The following KCNQ3 variants were observed in gnomAD, a reference collection of about 807,000 sequenced individuals.
The protein encoded by KCNQ3 is potassium voltage-gated channel subfamily KQT member 3.
Under a neutral mutation model 92.5 loss-of-function variants are expected in KCNQ3, and 30 were observed. The observed-to-expected ratio is 0.32, with a 90% CI of 0.24 to 0.44. The LOEUF (loss-of-function observed/expected upper bound fraction) is 0.44, where lower values mean the gene tolerates loss of function less well. Among genes scored for constraint, KCNQ3 ranks in the 20% least tolerant of loss-of-function variants. KCNQ3 has a pLI of 1.00. For missense variants in KCNQ3, 913 were observed against 1,140.3 expected, an observed-to-expected ratio of 0.80 and a Z score of 2.87; for synonymous variants, 450 against 468.8, an observed-to-expected ratio of 0.96 and a Z score of 0.52.
intron 1 of KCNQ3, among the ~76,000 whole-genome samples, chr8:132,266,006 G>A (rs1815969453): frequency 6.6e-6 from 1 of 152,236 alleles, no homozygotes; most frequent in African/African-American, 2.4e-5. Flanking sequence ...TCACATAGCA[G>A]CTGTGAACCA....
intron 1 of KCNQ3, among the ~76,000 whole-genome samples, chr8:132,200,585 A>G (rs1480075600): frequency 2.0e-5 from 3 of 152,230 alleles, no homozygotes; most frequent in African/African-American, 4.8e-5. Flanking sequence ...GTCGTGTTAG[A>G]TAATGGAGCA....
chr8:132,130,666 T>C (rs1006074925), intron 14 of KCNQ3, among the ~76,000 whole-genome samples: 1 of 152,190 alleles, frequency 6.6e-6, no homozygotes, highest in Non-Finnish European at 1.5e-5. Flanking sequence ...TTTAGGAACA[T>C]TTCCTTAGAC....
chr8:132,131,294 A>C (rs1465843040), intron 14 of KCNQ3, among the ~76,000 whole-genome samples: 2 of 152,190 alleles, frequency 1.3e-5, no homozygotes, highest in Non-Finnish European at 2.9e-5. Context: ...TCCTTGAAAA[A>C]CTGGCAGTAC....
intron 9 of KCNQ3, among the ~76,000 whole-genome samples, chr8:132,157,936 A>C (rs557353989): frequency 6.6e-6 from 1 of 152,174 alleles, no homozygotes; most frequent in East Asian, 1.9e-4. Flanking sequence ...GTGTCTGATA[A>C]CCTGTGTTTT....
intron 1 of KCNQ3, among the ~76,000 whole-genome samples, chr8:132,426,618 G>A (rs1036831536): frequency 6.6e-6 from 1 of 152,248 alleles, no homozygotes; most frequent in Non-Finnish European, 1.5e-5. Context: ...ACTGTAGGGT[G>A]AAATCCTTCC....
At chr8:132,183,447 G>C (rs1376629445) in intron 3 of KCNQ3, among the ~76,000 whole-genome samples, 3 of 152,130 alleles carry the variant, frequency 2.0e-5, no homozygotes, top group Non-Finnish European at 4.4e-5. Context: ...ACGATGGCAA[G>C]CTGGACTAAA....
At chr8:132,323,685 C>T (rs1316824267) in intron 1 of KCNQ3, among the ~76,000 whole-genome samples, 2 of 152,160 alleles carry the variant, frequency 1.3e-5, no homozygotes, top group African/African-American at 4.8e-5. Flanking sequence ...GTACCAAAAT[C>T]TGTATTTCTA....
At position 132,428,000 on chromosome 8, in the gene KCNQ3, G is replaced by A. The variant is rs529394929; in HGVS notation, c.386+52147C>T. ...TATGCCTTCGCCTGCAGATGCTCCC[G>A]GGCCTGCTGTCTCTCCTTGTCTTCC... On this transcript the variant is annotated intron_variant, in intron 1 of 14. Coordinates refer to ENST00000388996, the MANE Select transcript of KCNQ3 (RefSeq NM_004519.4). Among the ~76,000 whole-genome samples the A allele has an allele frequency of 3.9e-5, 6 of 152,136 alleles. No individual in the cohort carries two copies. The East Asian group carries it at 9.6e-4, about 24-fold the overall frequency.
At chr8:132,388,853 C>A (rs980269788) in intron 1 of KCNQ3, among the ~76,000 whole-genome samples, 2 of 152,132 alleles carry the variant, frequency 1.3e-5, no homozygotes, top group African/African-American at 2.4e-5. Flanking sequence ...TTACATGAAT[C>A]GTGATTTTAA....
intron 1 of KCNQ3, among the ~76,000 whole-genome samples, chr8:132,227,867 T>C (rs1814484361): frequency 6.6e-6 from 1 of 152,184 alleles, no homozygotes; most frequent in Non-Finnish European, 1.5e-5. Flanking sequence ...GAGAATCTAT[T>C]GTGTGCTAGA....
At chr8:132,456,746 G>A (rs1422343476) in intron 1 of KCNQ3, among the ~76,000 whole-genome samples, 2 of 151,800 alleles carry the variant, frequency 1.3e-5, no homozygotes, top group Non-Finnish European at 2.9e-5. Flanking sequence ...TCAGTAGCTG[G>A]GACTACAGGC....
intron 1 of KCNQ3, among the ~76,000 whole-genome samples, chr8:132,281,641 A>G (rs1285674791): frequency 3.3e-5 from 5 of 152,020 alleles, no homozygotes; most frequent in African/African-American, 1.2e-4. Context: ...ATGGACAACT[A>G]TAACAATCTC....
At chr8:132,189,084 C>A (rs958804634) in intron 1 of KCNQ3, among the ~76,000 whole-genome samples, 2 of 152,190 alleles carry the variant, frequency 1.3e-5, no homozygotes, top group African/African-American at 2.4e-5. Flanking sequence ...CCCGCTGCTT[C>A]CCCACATCCA....
At chr8:132,332,036 G>T (rs933407967) in intron 1 of KCNQ3, among the ~76,000 whole-genome samples, 2 of 152,208 alleles carry the variant, frequency 1.3e-5, no homozygotes, top group African/African-American at 4.8e-5. Context: ...TTAGTGACTT[G>T]CTTATAATGC....
At chr8:132,330,017 A>G (rs982574972) in intron 1 of KCNQ3, among the ~76,000 whole-genome samples, 14 of 152,334 alleles carry the variant, frequency 9.2e-5, no homozygotes, top group Admixed American at 7.2e-4. Flanking sequence ...CTTTGCAGAT[A>G]TATTAAAGTT....
Position 132,141,366 on chromosome 8 carries a change from T to C in KCNQ3, c.1263-35A>G, listed in dbSNP as rs549962980. On this transcript the variant is annotated intron_variant, in intron 9 of 14. Transcript: ENST00000388996. ...AAGCAAAAGTGAACAATTTTCCTCC[T>C]TCAGTGCAGGCTCTTAAAATTTCCC... is the stretch of plus-strand genomic sequence containing the variant. 1.1e-5 allele frequency: 18 copies of C among 1,585,910 alleles called. No homozygotes were observed. In the South Asian group the frequency reaches 2.0e-4, roughly 18 times the overall value.
chr8:132,272,075 T>C (rs186002861), intron 1 of KCNQ3, among the ~76,000 whole-genome samples: 51 of 152,336 alleles, frequency 3.3e-4, no homozygotes, highest in African/African-American at 1.2e-3. Context: ...CATGTAGACT[T>C]TGCTTCCTCT....
intron 1 of KCNQ3, among the ~76,000 whole-genome samples, chr8:132,460,063 T>A (rs1301076524): frequency 6.6e-6 from 1 of 152,194 alleles, no homozygotes; most frequent in Non-Finnish European, 1.5e-5. Context: ...TGGGATTTTT[T>A]AAAACACCTT....
chr8:132,393,895 AGAT>A (rs1229950565), intron 1 of KCNQ3, among the ~76,000 whole-genome samples: 4 of 152,220 alleles, frequency 2.6e-5, no homozygotes, highest in Non-Finnish European at 4.4e-5. Flanking sequence ...GTCATGCTGA[AGAT>A]GATAACTAGA....
Sources: gnomAD v4.1 joint callset for allele counts (sites outside exome capture counted in the v4.1 genomes callset) on GRCh38, gnomAD v4.1.1 for gene constraint, MANE v1.5 for transcripts, NCBI Gene and HGNC (gene_info 2026-07-23, HGNC 2026-07-21) for gene names.